Variants in PLAAT3 observed in about 807,000 individuals in gnomAD.
PLAAT3 encodes the protein phospholipase A and acyltransferase 3, also known as Ca-independent phospholipase A1/2.
Under a neutral mutation model 16.7 loss-of-function variants are expected in PLAAT3, and 21 were observed. The ratio of observed to expected loss-of-function variants is 1.26; its 90% confidence interval spans 0.89 to 1.81. The LOEUF is 1.81. Among genes scored for constraint, PLAAT3 ranks in the 40% most tolerant of loss-of-function variants. PLAAT3 has a pLI of 0.00. For missense variants in PLAAT3, 219 were observed against 213.7 expected, an observed-to-expected ratio of 1.02 and a Z score of -0.16; for synonymous variants, 76 against 81.7, an observed-to-expected ratio of 0.93 and a Z score of 0.38.
At chr11:63,596,367 C>A (rs1454186957) in intron 3 of PLAAT3, among the ~76,000 whole-genome samples, 2 of 151,746 alleles carry the variant, frequency 1.3e-5, no homozygotes, top group African/African-American at 4.8e-5. Context: ...CGGTCCCCAA[C>A]CTTTTTAGCA....
rs531895300 is a variant in PLAAT3 at position 63,605,852 on chromosome 11, CTTTG to C, written c.16-7693_16-7690del. ...CAGACATGAGCCACCGCGCCTGGCC[CTTTG>C]TTTGTTTGTTTGTTTAATTTAAGAA... On this transcript the variant is annotated intron_variant, in intron 2 of 4. Coordinates refer to ENST00000415826, the MANE Select transcript of PLAAT3 (RefSeq NM_001128203.2). Among the ~76,000 whole-genome samples the C allele has an allele frequency of 7.1e-3, 1,082 of 152,050 alleles. 9 individuals are homozygous for C. The highest frequency in any genetic ancestry group is 0.012 in the South Asian group (56 of 4,822).
upstream of PLAAT3, among the ~76,000 whole-genome samples, chr11:63,615,274 A>ATATG (rs1938835106): frequency 2.5e-5 from 1 of 39,852 alleles, no homozygotes; most frequent in Non-Finnish European, 6.2e-5. Flanking sequence ...GTGTGTATAT[A>ATATG]TGTGTATATA....
Position 63,590,189 on chromosome 11 carries a change from C to G in PLAAT3, c.298G>C (p.Val100Leu), listed in dbSNP as rs755045649. ...SKIIQRAEEL[V>L]GQEVLYKLTS... ...AGCTTGTAGAGCACCTCCTGCCCCA[C>G]CAGCTCCTCCGCCCGCTGGATGATT... Residue 100 changes from valine (V) to leucine (L), a missense_variant, in exon 4 of 5, where the codon GTG (valine) becomes CTG (leucine). Coordinates refer to ENST00000415826, the MANE Select transcript of PLAAT3 (RefSeq NM_001128203.2). 2.5e-6 allele frequency: 4 copies of G among 1,614,240 alleles called. No individual in the cohort carries two copies. Among genetic ancestry groups the G allele is most frequent in the East Asian group, 4.5e-5 (2 of 44,890 alleles).
chr11:63,607,908 C>T (rs973734952), intron 2 of PLAAT3, among the ~76,000 whole-genome samples: 6 of 151,838 alleles, frequency 4.0e-5, no homozygotes, highest in East Asian at 3.9e-4. Flanking sequence ...CCAGGTGGGC[C>T]GGGCACAGTG....
chr11:63,615,074 ATGTG>A (rs1239693027), upstream of PLAAT3, among the ~76,000 whole-genome samples: 4 of 66,062 alleles, frequency 6.1e-5, no homozygotes, highest in African/African-American at 1.6e-4. Context: ...GTGTGTATAT[ATGTG>A]TGTATATATG....
chr11:63,585,114 AC>A (rs769020176), intron 4 of PLAAT3, among the ~76,000 whole-genome samples: 5 of 145,428 alleles, frequency 3.4e-5, no homozygotes, highest in Admixed American at 1.4e-4. Flanking sequence ...TGCAACCTCC[AC>A]CTCCCGGGTT....
At chr11:63,613,725 G>GCC (rs10658158) in intron 2 of PLAAT3, among the ~76,000 whole-genome samples, 141,103 of 152,186 alleles carry the variant, frequency 0.93, 66,360 homozygotes, top group East Asian at 1. Flanking sequence ...GGACAGACCT[G>GCC]CCCTGGCCAC....
At chr11:63,602,988 G>A (rs1938467902) in intron 2 of PLAAT3, among the ~76,000 whole-genome samples, 1 of 152,226 alleles carries the variant, frequency 6.6e-6, no homozygotes, top group African/African-American at 2.4e-5. Flanking sequence ...AGCTACTCAG[G>A]AGGCTGAGGC....
At chr11:63,579,940 C>T (rs1937758426) in intron 4 of PLAAT3, among the ~76,000 whole-genome samples, 1 of 150,890 alleles carries the variant, frequency 6.6e-6, no homozygotes, top group African/African-American at 2.4e-5. Flanking sequence ...GAAACCATTT[C>T]CAACCTAGAA....
At chr11:63,616,810 C>A (rs1486283500), upstream of PLAAT3, 2 of 151,730 alleles carry the variant, frequency 1.3e-5, no homozygotes, top group East Asian at 2.0e-4. Context: ...AGTGAAACCC[C>A]GTCTCTACTA....
upstream of PLAAT3, among the ~76,000 whole-genome samples, chr11:63,615,320 A>G (rs369558494): frequency 3.5e-3 from 46 of 13,068 alleles, 8 homozygotes; most frequent in Non-Finnish European, 6.5e-3. Context: ...GTGTGTATAT[A>G]TGTGTGTATA....
intron 3 of PLAAT3, among the ~76,000 whole-genome samples, chr11:63,590,595 A>AT (rs1438965280): frequency 6.6e-6 from 1 of 152,042 alleles, no homozygotes; most frequent in African/African-American, 2.4e-5. Flanking sequence ...ATTTACTGTG[A>AT]TTTTTTTCTT....
intron 2 of PLAAT3, among the ~76,000 whole-genome samples, chr11:63,601,446 A>T (rs1938428035): frequency 6.6e-6 from 1 of 151,120 alleles, no homozygotes; most frequent in Non-Finnish European, 1.5e-5. Context: ...TTGTAAGGGC[A>T]AGAGATACAT....
At chr11:63,589,629 AG>A (rs1938086754) in intron 4 of PLAAT3, among the ~76,000 whole-genome samples, 1 of 152,174 alleles carries the variant, frequency 6.6e-6, no homozygotes, top group Non-Finnish European at 1.5e-5. Context: ...TATGCCACAC[AG>A]ACCTGGGCTT....
intron 4 of PLAAT3, among the ~76,000 whole-genome samples, chr11:63,589,165 A>G (rs1938066377): frequency 1.3e-5 from 2 of 151,378 alleles, no homozygotes; most frequent in Admixed American, 6.6e-5. Context: ...AGCTGGACTA[A>G]CTCTCCTGAG....
At chr11:63,596,057 C>A (rs529412048) in intron 3 of PLAAT3, among the ~76,000 whole-genome samples, 1 of 151,702 alleles carries the variant, frequency 6.6e-6, no homozygotes, top group Admixed American at 6.6e-5. Flanking sequence ...CTGGCTAACA[C>A]AGTGAAACCC....
intron 1 of PLAAT3, 145 bp downstream of exon 1, chr11:63,614,240 A>G: frequency 1.7e-6 from 1 of 601,438 alleles, no homozygotes; most frequent in Non-Finnish European, 2.9e-6. Flanking sequence ...GGCGCCCAGG[A>G]GGCTGCAGGT....
At chr11:63,590,434 G>T in intron 3 of PLAAT3, 66 bp from the exon 4 acceptor site, 2 of 1,478,532 alleles carry the variant, frequency 1.4e-6, no homozygotes, top group Non-Finnish European at 9.3e-7. Context: ...CTCAGAGCTG[G>T]CCCCCAGCCG....
intron 2 of PLAAT3, chr11:63,598,709 G>A: frequency 1.9e-6 from 1 of 518,362 alleles, no homozygotes; most frequent in Non-Finnish European, 3.9e-6. Context: ...CCCACCTGGG[G>A]TCCATGCCAG....
Sources: gnomAD v4.1 joint callset for allele counts (sites outside exome capture counted in the v4.1 genomes callset) on GRCh38, gnomAD v4.1.1 for gene constraint, MANE v1.5 for transcripts, NCBI Gene and HGNC (gene_info 2026-07-23, HGNC 2026-07-21) for gene names.